The following GPR149 variants were observed in gnomAD, a reference collection of about 807,000 sequenced individuals.
The protein encoded by GPR149 is G protein-coupled receptor 149, also known as probable G protein-coupled receptor 149.
Under a neutral mutation model 50.2 loss-of-function variants are expected in GPR149, and 50 were observed. The ratio of observed to expected loss-of-function variants is 1.00; its 90% CI spans 0.79 to 1.26. The LOEUF (loss-of-function observed/expected upper bound fraction) is 1.26, where lower values mean the gene tolerates loss of function less well. Among genes scored for constraint, GPR149 ranks in the 50% most tolerant of loss-of-function variants. The pLI is 0.00. For synonymous variants in GPR149, 405 were observed against 358.2 expected (o/e 1.13, Z -1.48); for missense variants, 983 against 895.4 (o/e 1.10, Z -1.25).
rs71152802 is a variant in GPR149, at chr3:154,339,779, CTTTTTTTTTT to C, written c.1624-1518_1624-1509del. On this transcript the variant is annotated intron_variant, in intron 3 of 3. Coordinates refer to ENST00000389740, the MANE Select transcript of GPR149 (RefSeq NM_001038705.3). ...TTGGGGGTGCCTTCATGCTCTACTT[CTTTTTTTTTT>C]TTTTTTTTTTTTTTTTTTGAGACGA... Among the ~76,000 whole-genome samples, 70 of 68,350 alleles carry C rather than the reference CTTTTTTTTTT, an allele frequency of 1.0e-3. 1 individual carries two copies. Among genetic ancestry groups the C allele is most frequent in the Non-Finnish European group, 1.1e-3 (45 of 40,116 alleles). 44.8% of individuals were successfully genotyped at this position (68,350 alleles called of 152,430 possible). A position where few individuals can be genotyped will look rare whatever the true frequency, so the allele number is the denominator to read the frequency against.
chr3:154,369,880 T>C (rs1287605173), intron 3 of GPR149, among the ~76,000 whole-genome samples: 1 of 152,180 alleles, frequency 6.6e-6, no homozygotes, highest in Non-Finnish European at 1.5e-5. Flanking sequence ...GGATCTGTGG[T>C]ACTTTAGCCA....
intron 3 of GPR149, among the ~76,000 whole-genome samples, chr3:154,369,947 C>A (rs1378470263): frequency 6.6e-6 from 1 of 152,194 alleles, no homozygotes; most frequent in South Asian, 2.1e-4. Context: ...GGGCAACAGG[C>A]AGCCCCCACT....
intron 3 of GPR149, among the ~76,000 whole-genome samples, chr3:154,401,077 A>G (rs1711543359): frequency 6.6e-6 from 1 of 152,232 alleles, no homozygotes; most frequent in Non-Finnish European, 1.5e-5. Context: ...TTCAAATTTT[A>G]TCTTTATCTT....
At chr3:154,381,350 T>C (rs1395397094) in intron 3 of GPR149, among the ~76,000 whole-genome samples, 1 of 152,120 alleles carries the variant, frequency 6.6e-6, no homozygotes, top group Admixed American at 6.6e-5. Flanking sequence ...TGTGTTCTCG[T>C]TGCTCCTCAT....
intron 3 of GPR149, among the ~76,000 whole-genome samples, chr3:154,367,144 G>A (rs1217866842): frequency 2.6e-5 from 4 of 152,116 alleles, no homozygotes; most frequent in Non-Finnish European, 5.9e-5. Context: ...TCAAGTAGGG[G>A]CTCAGAAAGC....
chr3:154,343,136 T>C (rs1291357827), intron 3 of GPR149, among the ~76,000 whole-genome samples: 1 of 152,206 alleles, frequency 6.6e-6, no homozygotes, highest in African/African-American at 2.4e-5. Context: ...AAACAATGTG[T>C]ACAGTATGAT....
At chr3:154,370,527 G>T (rs1434344781) in intron 3 of GPR149, among the ~76,000 whole-genome samples, 1 of 152,108 alleles carries the variant, frequency 6.6e-6, no homozygotes, top group Non-Finnish European at 1.5e-5. Context: ...TGCCAAGAAG[G>T]TTTGAAAGGA....
chr3:154,342,044 T>C (rs1333654782), intron 3 of GPR149, among the ~76,000 whole-genome samples: 1 of 152,230 alleles, frequency 6.6e-6, no homozygotes, highest in Non-Finnish European at 1.5e-5. Context: ...TATCTCATGT[T>C]ACATGCAAAA....
At chr3:154,410,360 A>C (rs1397107242) in intron 3 of GPR149, among the ~76,000 whole-genome samples, 2 of 152,198 alleles carry the variant, frequency 1.3e-5, no homozygotes, top group Non-Finnish European at 2.9e-5. Context: ...TAGCATGATT[A>C]ATAGAATAGT....
chr3:154,379,802 C>CTTTA (rs1714874043), intron 3 of GPR149, among the ~76,000 whole-genome samples: 1 of 152,066 alleles, frequency 6.6e-6, no homozygotes. Flanking sequence ...ATATGTCTAT[C>CTTTA]TTTATGCCAG....
chr3:154,402,602 A>T (rs956070293), intron 3 of GPR149, among the ~76,000 whole-genome samples: 6 of 152,096 alleles, frequency 3.9e-5, no homozygotes, highest in Admixed American at 3.9e-4. Flanking sequence ...AAGCCAAGAA[A>T]AAAAAAGCTG....
intron 3 of GPR149, among the ~76,000 whole-genome samples, chr3:154,368,993 G>T (rs1201340534): frequency 1.3e-5 from 2 of 152,252 alleles, no homozygotes; most frequent in African/African-American, 4.8e-5. Context: ...CACAGCAGGG[G>T]CAAGGGAAGT....
Position 154,426,674 on chromosome 3 carries a change from G to A in GPR149, c.1174+842C>T, listed in dbSNP as rs114676829. 5.8e-3 allele frequency among the ~76,000 whole-genome samples: 888 copies of A among 152,120 alleles called. 8 individuals are homozygous for A. Among genetic ancestry groups the A allele is most frequent in the African/African-American group, 0.02 (831 of 41,498 alleles). On this transcript the variant is annotated intron_variant, in intron 2 of 3. Coordinates refer to ENST00000389740, the MANE Select transcript of GPR149 (RefSeq NM_001038705.3). ...AACACTTTTCTTGTCTTAGCATATG[G>A]GAACAATTACACTGTAGGGAGTTCT...
intron 3 of GPR149, among the ~76,000 whole-genome samples, chr3:154,371,846 A>G (rs1229959231): frequency 6.6e-6 from 1 of 152,164 alleles, no homozygotes; most frequent in Non-Finnish European, 1.5e-5. Flanking sequence ...TGCGACAGCC[A>G]TCCTACTCGT....
intron 3 of GPR149, among the ~76,000 whole-genome samples, chr3:154,393,048 T>C (rs867966565): frequency 5.3e-5 from 8 of 152,124 alleles, no homozygotes; most frequent in Middle Eastern, 6.8e-3. Context: ...CTCTAAAGAA[T>C]TGAGGAAGAT....
chr3:154,413,380 A>G (rs959166232), intron 3 of GPR149, among the ~76,000 whole-genome samples: 1 of 152,012 alleles, frequency 6.6e-6, no homozygotes, highest in Non-Finnish European at 1.5e-5. Context: ...ACAGCATGGG[A>G]AAAAAATCTT....
At chr3:154,342,068 C>A (rs1009939996) in intron 3 of GPR149, among the ~76,000 whole-genome samples, 1 of 152,092 alleles carries the variant, frequency 6.6e-6, no homozygotes, top group Non-Finnish European at 1.5e-5. Flanking sequence ...TTAAAAAATT[C>A]TTAATAATTC....
chr3:154,394,526 G>A (rs1354438046), intron 3 of GPR149, among the ~76,000 whole-genome samples: 1 of 151,914 alleles, frequency 6.6e-6, no homozygotes, highest in Non-Finnish European at 1.5e-5. Flanking sequence ...GCAACAAAAC[G>A]AAAAACAGAC....
At chr3:154,397,485 CTT>C (rs1715321608) in intron 3 of GPR149, among the ~76,000 whole-genome samples, 1 of 152,072 alleles carries the variant, frequency 6.6e-6, no homozygotes, top group South Asian at 2.1e-4. Flanking sequence ...ATTATATAAA[CTT>C]AAACTGAATT....
Sources: gnomAD v4.1 joint callset for allele counts (sites outside exome capture counted in the v4.1 genomes callset) on GRCh38, gnomAD v4.1.1 for gene constraint, MANE v1.5 for transcripts, NCBI Gene and HGNC (gene_info 2026-07-23, HGNC 2026-07-21) for gene names.